Variants in ALK observed in about 807,000 individuals in gnomAD.
ALK encodes ALK receptor tyrosine kinase, also known as ALK tyrosine kinase receptor.
ALK carries 74 observed loss-of-function variants against 163.1 expected under a neutral mutation model. That is an observed-to-expected ratio of 0.45 (90% confidence interval 0.38 to 0.55). The LOEUF is 0.55. Among genes scored for constraint, ALK ranks in the 20% least tolerant of loss-of-function variants. The pLI is 0.00. For synonymous variants in ALK, 960 were observed against 843.2 expected (o/e 1.14, Z -2.40); for missense variants, 2,063 against 2,105.3 (o/e 0.98, Z 0.39).
At chr2:29,718,506 G>C (rs1328174144) in intron 1 of ALK, among the ~76,000 whole-genome samples, 1 of 152,218 alleles carries the variant, frequency 6.6e-6, no homozygotes, top group Admixed American at 6.5e-5. Flanking sequence ...AAGAAGGAAG[G>C]ATTTGAGAAT....
chr2:29,656,453 G>T (rs1677187787), intron 3 of ALK, among the ~76,000 whole-genome samples: 1 of 152,122 alleles, frequency 6.6e-6, no homozygotes, highest in Non-Finnish European at 1.5e-5. Context: ...CTTCCCACAG[G>T]CAGGGGAACA....
At chr2:29,594,909 G>A (rs1047575653) in intron 3 of ALK, among the ~76,000 whole-genome samples, 2 of 100,314 alleles carry the variant, frequency 2.0e-5, no homozygotes, top group Admixed American at 1.3e-4. Flanking sequence ...GGTGGGGGGC[G>A]GGGGGCAAAG....
chr2:29,232,224 C>T (rs938974156), intron 15 of ALK, 80 bp downstream of exon 15: 1 of 1,586,308 alleles, frequency 6.3e-7, no homozygotes, highest in Non-Finnish European at 8.6e-7. Flanking sequence ...ACTAAGATGC[C>T]CTCAGGCATG....
chr2:29,642,221 T>G (rs1210602842), intron 3 of ALK, among the ~76,000 whole-genome samples: 1 of 152,132 alleles, frequency 6.6e-6, no homozygotes, highest in Non-Finnish European at 1.5e-5. Flanking sequence ...ATTTGAGAAG[T>G]TCTAGTCTAG....
At chr2:29,543,698 T>C (rs1673473984) in intron 3 of ALK, among the ~76,000 whole-genome samples, 1 of 152,222 alleles carries the variant, frequency 6.6e-6, no homozygotes, top group Non-Finnish European at 1.5e-5. Flanking sequence ...TCTCAGCAGA[T>C]AGGACACCTC....
At chr2:29,228,537 C>T (rs1664082265) in intron 16 of ALK, among the ~76,000 whole-genome samples, 1 of 152,170 alleles carries the variant, frequency 6.6e-6, no homozygotes, top group South Asian at 2.1e-4. Flanking sequence ...CCAGCCCCTT[C>T]AGGAGCTGGC....
In ALK at chr2:29,625,247, TAAGTA is replaced by T. The variant is rs1676158341; in HGVS notation, c.952+69598_952+69602del. On this transcript the variant is annotated intron_variant, in intron 3 of 28. Coordinates refer to ENST00000389048, the MANE Select transcript of ALK (RefSeq NM_004304.5). Reference sequence around the variant, plus strand: ...TTGATCTTACAAATGAGAAAATTAATAAGTAAAGATTACATAGCTAAGGAAGAGAC... The same window carrying T: ...TTGATCTTACAAATGAGAAAATTAATAAGATTACATAGCTAAGGAAGAGAC... 2.6e-5 allele frequency among the ~76,000 whole-genome samples: 4 copies of T among 152,206 alleles called. No homozygotes were observed. In the East Asian group the frequency reaches 5.8e-4, roughly 22 times the overall value.
chr2:29,467,225 G>A (rs1204724011), intron 4 of ALK, among the ~76,000 whole-genome samples: 2 of 122,696 alleles, frequency 1.6e-5, no homozygotes, highest in Non-Finnish European at 3.5e-5. Context: ...ATCTTATGGA[G>A]AGTCTTATTG....
chr2:29,759,138 AC>A (rs1353507611), intron 1 of ALK, among the ~76,000 whole-genome samples: 1 of 152,086 alleles, frequency 6.6e-6, no homozygotes, highest in African/African-American at 2.4e-5. Flanking sequence ...TCTGAAGTTA[AC>A]CAGTTGGAAT....
chr2:29,338,824 T>C (rs531370199), intron 5 of ALK, among the ~76,000 whole-genome samples: 4 of 152,316 alleles, frequency 2.6e-5, no homozygotes, highest in African/African-American at 7.2e-5. Context: ...GGGGTTTCCT[T>C]GCATTCTGCT....
rs147993739 is a variant in ALK, at chr2:29,604,867, A to G, written c.953-72751T>C. On this transcript the variant is annotated intron_variant, in intron 3 of 28. Transcript: ENST00000389048. ...CTCACCCTGCTCAAACCAGAGCTAT[A>G]CAAAGGTGGCATTGGTGTTAACTCT... Among the ~76,000 whole-genome samples the G allele has an allele frequency of 3.1e-3, 472 of 152,328 alleles. 2 individuals are homozygous for G. The highest frequency in any genetic ancestry group is 4.9e-3 in the Non-Finnish European group (334 of 68,028).
chr2:29,698,500 G>A (rs544573377), intron 2 of ALK, among the ~76,000 whole-genome samples: 24 of 152,194 alleles, frequency 1.6e-4, no homozygotes, highest in East Asian at 1.9e-4. Context: ...CGACTTCTGC[G>A]GCCATCCCCT....
intron 4 of ALK, among the ~76,000 whole-genome samples, chr2:29,507,179 A>G (rs1672351138): frequency 6.6e-6 from 1 of 152,228 alleles, no homozygotes; most frequent in Admixed American, 6.5e-5. Flanking sequence ...CATACAATGG[A>G]ATATTATTCA....
chr2:29,551,851 A>T (rs1467121123), intron 3 of ALK, among the ~76,000 whole-genome samples: 1 of 152,234 alleles, frequency 6.6e-6, no homozygotes, highest in East Asian at 1.9e-4. Context: ...GTTTACAGTG[A>T]TAAGATATAC....
chr2:29,365,750 TCTCC>T (rs1306975067), intron 5 of ALK, among the ~76,000 whole-genome samples: 2 of 152,190 alleles, frequency 1.3e-5, no homozygotes, highest in Non-Finnish European at 2.9e-5. Context: ...GAGTTCTTTA[TCTCC>T]CATCATAACT....
At chr2:29,686,354 A>C (rs1001076270) in intron 3 of ALK, among the ~76,000 whole-genome samples, 1 of 152,150 alleles carries the variant, frequency 6.6e-6, no homozygotes, top group East Asian at 1.9e-4. Context: ...GACCTGAATC[A>C]CTGGGCTGTT....
chr2:29,878,683 G>T (rs956886704), intron 1 of ALK, among the ~76,000 whole-genome samples: 4 of 152,184 alleles, frequency 2.6e-5, no homozygotes, highest in Non-Finnish European at 5.9e-5. Context: ...CTATGATAAA[G>T]GAACTGTCAT....
chr2:29,877,762 G>T (rs146730962), intron 1 of ALK, among the ~76,000 whole-genome samples: 137 of 152,214 alleles, frequency 9.0e-4, no homozygotes, highest in Non-Finnish European at 1.3e-3. Flanking sequence ...TGTACTTTCG[G>T]AGTCAGGTCT....
intron 1 of ALK, among the ~76,000 whole-genome samples, chr2:29,776,093 T>C (rs559253920): frequency 5.6e-4 from 85 of 152,296 alleles, no homozygotes; most frequent in African/African-American, 2.0e-3. Flanking sequence ...GTTGATCACC[T>C]TCTCCTTGCA....
Sources: allele counts gnomAD v4.1 joint callset (sites outside exome capture counted in the v4.1 genomes callset), GRCh38; gene constraint gnomAD v4.1.1; transcripts MANE v1.5; gene names NCBI Gene and HGNC (gene_info 2026-07-23, HGNC 2026-07-21).